PLXDC2: variants seen among roughly 807,000 people sequenced by gnomAD.
PLXDC2 encodes plexin domain-containing protein 2.
In PLXDC2, 40 loss-of-function variants were observed where a neutral mutation model predicts 68.9. The observed-to-expected ratio is 0.58, with a 90% confidence interval of 0.45 to 0.76. PLXDC2 has a LOEUF of 0.76. PLXDC2 is among the 30% of genes least tolerant of loss of function. The pLI, the probability that PLXDC2 is intolerant of heterozygous loss-of-function variation, is 0.00. For missense variants in PLXDC2, 644 were observed against 661.9 expected (o/e 0.97, Z 0.30); for synonymous variants, 243 against 234.2 (o/e 1.04, Z -0.34).
chr10:19,867,525 T>C (rs910062734), intron 1 of PLXDC2, among the ~76,000 whole-genome samples: 2 of 152,204 alleles, frequency 1.3e-5, no homozygotes, highest in Non-Finnish European at 2.9e-5. Flanking sequence ...TTGGGGGCTA[T>C]TTTTTAAGCT....
chr10:20,021,196 T>TG (rs1334378995), intron 2 of PLXDC2, among the ~76,000 whole-genome samples: 2 of 151,868 alleles, frequency 1.3e-5, no homozygotes, highest in Non-Finnish European at 2.9e-5. Flanking sequence ...ATCCTGTTTT[T>TG]TTTGTTTGTT....
intron 9 of PLXDC2, among the ~76,000 whole-genome samples, chr10:20,208,498 A>C (rs949683494): frequency 2.6e-5 from 4 of 152,162 alleles, no homozygotes; most frequent in Non-Finnish European, 5.9e-5. Flanking sequence ...ATTCAAGATG[A>C]GATTTGTGTG....
chr10:20,124,308 A>G (rs1833741085), intron 4 of PLXDC2, among the ~76,000 whole-genome samples: 1 of 152,030 alleles, frequency 6.6e-6, no homozygotes, highest in Non-Finnish European at 1.5e-5. Flanking sequence ...GAGAAGGGAG[A>G]GATTGAAGAG....
At chr10:19,898,731 G>A (rs1382335429) in intron 1 of PLXDC2, among the ~76,000 whole-genome samples, 2 of 152,190 alleles carry the variant, frequency 1.3e-5, no homozygotes, top group African/African-American at 2.4e-5. Flanking sequence ...AAAATCCAGC[G>A]TACTTAGTTA....
intron 4 of PLXDC2, among the ~76,000 whole-genome samples, chr10:20,078,807 T>C (rs1463368450): frequency 6.6e-6 from 1 of 152,218 alleles, no homozygotes; most frequent in Non-Finnish European, 1.5e-5. Flanking sequence ...TAACACTATT[T>C]GTCAGAGTTT....
rs190331175 is a variant in PLXDC2 at position 20,278,780 on chromosome 10, C to T, written c.1474-923C>T. 6.5e-3 allele frequency among the ~76,000 whole-genome samples: 991 copies of T among 152,266 alleles called. 6 individuals are homozygous for T. The highest frequency in any genetic ancestry group is 0.017 in the Middle Eastern group (5 of 294). Reference sequence around the variant, plus strand: ...ATATAACCTGTTTTACATTAGAATTCTTTAGATAGAAATGAACTTCCTTCA... The same window carrying T: ...ATATAACCTGTTTTACATTAGAATTTTTTAGATAGAAATGAACTTCCTTCA... On this transcript the variant is annotated intron_variant, in intron 13 of 13. Coordinates refer to ENST00000377252, the MANE Select transcript of PLXDC2 (RefSeq NM_032812.9).
intron 1 of PLXDC2, among the ~76,000 whole-genome samples, chr10:19,972,064 G>A (rs993827329): frequency 9.2e-5 from 14 of 152,172 alleles, no homozygotes; most frequent in Admixed American, 3.3e-4. Context: ...TACAGGCTTT[G>A]AAGGGTGAGT....
chr10:19,991,228 A>AC (rs1834744110), intron 1 of PLXDC2, among the ~76,000 whole-genome samples: 3 of 149,644 alleles, frequency 2.0e-5, no homozygotes, highest in Non-Finnish European at 4.4e-5. Context: ...CCTGGGCAAC[A>AC]AGACCGAAAC....
chr10:19,923,867 C>T (rs11011678), intron 1 of PLXDC2, among the ~76,000 whole-genome samples: 18,719 of 152,196 alleles, frequency 0.12, 1,268 homozygotes, highest in Admixed American at 0.13. Flanking sequence ...AGTTCAAGAC[C>T]AGCTTGGGCA....
Position 20,241,701 on chromosome 10 carries a change from C to T in PLXDC2, c.1313-3644C>T, listed in dbSNP as rs143676266. 4.7e-3 allele frequency among the ~76,000 whole-genome samples: 721 copies of T among 152,216 alleles called. 8 individuals carry two copies. Among genetic ancestry groups the T allele is most frequent in the African/African-American group, 0.014 (577 of 41,532 alleles). ...GGCCAAAGCAGGAGGATCACTTGAG[C>T]CCAGGAGTTCGAAGCTGCAGTGAGT... On this transcript the variant is annotated intron_variant, in intron 12 of 13. Transcript: ENST00000377252.
chr10:20,148,265 GT>G (rs5783725), intron 6 of PLXDC2, among the ~76,000 whole-genome samples: 88,789 of 147,502 alleles, frequency 0.6, 26,653 homozygotes, highest in Middle Eastern at 0.7. Context: ...TCTTTAGTTA[GT>G]TTTTTTTTTT....
chr10:20,160,479 A>C (rs1834276159), intron 6 of PLXDC2, among the ~76,000 whole-genome samples: 1 of 152,182 alleles, frequency 6.6e-6, no homozygotes. Context: ...TTACTTGTTG[A>C]AGCTTGGAAA....
intron 1 of PLXDC2, among the ~76,000 whole-genome samples, chr10:19,946,755 G>A (rs1479692392): frequency 2.0e-5 from 3 of 152,034 alleles, no homozygotes; most frequent in Admixed American, 1.3e-4. Flanking sequence ...AGATCATCAG[G>A]CATTAGATTC....
intron 1 of PLXDC2, among the ~76,000 whole-genome samples, chr10:19,870,395 AC>A (rs1290217868): frequency 6.6e-6 from 1 of 152,044 alleles, no homozygotes; most frequent in East Asian, 1.9e-4. Context: ...ATTAGTAAGT[AC>A]TAAATGAAGC....
At chr10:20,158,432 A>G (rs1834245149) in intron 6 of PLXDC2, among the ~76,000 whole-genome samples, 1 of 150,596 alleles carries the variant, frequency 6.6e-6, no homozygotes, top group East Asian at 2.0e-4. Flanking sequence ...CACACACATA[A>G]TGTCTTTGTT....
chr10:20,056,892 G>A (rs992386826), intron 3 of PLXDC2, among the ~76,000 whole-genome samples: 3 of 152,118 alleles, frequency 2.0e-5, no homozygotes. Flanking sequence ...TTAAAGGCAC[G>A]AGTGAGGCAA....
chr10:20,219,168 A>C, intron 12 of PLXDC2, 66 bp downstream of exon 12: 2 of 1,510,092 alleles, frequency 1.3e-6, no homozygotes, highest in Non-Finnish European at 1.8e-6. Flanking sequence ...TTATTTTACT[A>C]TGAGAAAGGC....
chr10:20,009,806 T>C (rs1835081193), intron 2 of PLXDC2, among the ~76,000 whole-genome samples: 1 of 149,796 alleles, frequency 6.7e-6, no homozygotes, highest in South Asian at 2.2e-4. Flanking sequence ...GACACTAAGG[T>C]GTTTAGAATT....
At chr10:19,827,184 C>T (rs1208414713) in intron 1 of PLXDC2, among the ~76,000 whole-genome samples, 1 of 152,160 alleles carries the variant, frequency 6.6e-6, no homozygotes, top group Admixed American at 6.5e-5. Context: ...CTGAAATAAG[C>T]CCTGCTGAGA....
Sources: allele counts gnomAD v4.1 joint callset (sites outside exome capture counted in the v4.1 genomes callset), GRCh38; gene constraint gnomAD v4.1.1; transcripts MANE v1.5; gene names NCBI Gene and HGNC (gene_info 2026-07-23, HGNC 2026-07-21).